TMEM67: variants seen among roughly 807,000 people sequenced by gnomAD.
TMEM67 encodes meckelin.
A neutral mutation model predicts 136.6 loss-of-function variants in TMEM67; 124 were observed. That is an observed-to-expected ratio of 0.91 (90% confidence interval 0.78 to 1.05). The LOEUF is 1.05. TMEM67 is among the 50% of genes least tolerant of loss of function. The pLI is 0.00. For synonymous variants in TMEM67, 364 were observed against 390.5 expected (o/e 0.93, Z 0.80); for missense variants, 1,107 against 1,178.4 (o/e 0.94, Z 0.89).
intron 15 of TMEM67, chr8:93,791,930 T>C (rs1814395203): frequency 6.5e-6 from 1 of 154,750 alleles, no homozygotes; most frequent in Non-Finnish European, 1.4e-5. Flanking sequence ...GGCACGATCT[T>C]GGCTCACCGC....
At position 93,775,325 on chromosome 8, in the gene TMEM67, T is replaced by G. The variant is rs1005695228; in HGVS notation, c.714+2674T>G. Among the ~76,000 whole-genome samples, 3 of 152,254 alleles carry G rather than the reference T, an allele frequency of 2.0e-5. No homozygotes were observed. In the South Asian group the frequency reaches 6.2e-4, roughly 31 times the overall value. On this transcript the variant is annotated intron_variant, in intron 7 of 27. Transcript: ENST00000453321. ...GTTGTGTGTTCACTCTGATGACAGT[T>G]TCTTTTGCTGTGCAGAAGCTCTTTA...
chr8:93,774,311 G>A (rs1490681584), intron 7 of TMEM67, among the ~76,000 whole-genome samples: 3 of 152,020 alleles, frequency 2.0e-5, no homozygotes, highest in African/African-American at 4.8e-5. Flanking sequence ...CACCATGCCC[G>A]GCTTAGAATA....
chr8:93,775,599 T>C, intron 7 of TMEM67, among the ~76,000 whole-genome samples: 1 of 152,254 alleles, frequency 6.6e-6, no homozygotes, highest in African/African-American at 2.4e-5. Context: ...GCACCATTTA[T>C]TAAATAGGGA....
At position 93,817,229 on chromosome 8, in the gene TMEM67, A is replaced by G. The variant is rs1274772056; in HGVS notation, c.*777A>G. ...TTTTGCTTTTCAATTACGTTTAAAG[A>G]CTGTAAATAACAAACAGTAAGGCTG... is the stretch of plus-strand genomic sequence containing the variant. On this transcript the variant is annotated 3_prime_UTR_variant, in exon 28 of 28. Transcript: ENST00000453321. 1 of 152,220 alleles carries G rather than the reference A, an allele frequency of 6.6e-6. No homozygotes were observed. Among genetic ancestry groups the G allele is most frequent in the Non-Finnish European group, 1.5e-5 (1 of 68,038 alleles). The allele number at this position is 152,220 out of a possible 1,614,324, so 9.4% of individuals were successfully genotyped here.
At chr8:93,806,089 C>T (rs1422825850) in intron 23 of TMEM67, among the ~76,000 whole-genome samples, 1 of 152,108 alleles carries the variant, frequency 6.6e-6, no homozygotes, top group East Asian at 1.9e-4. Flanking sequence ...AAGTAATTAG[C>T]CAGGTCTGGA....
chr8:93,823,403 G>GAT (rs1809067025), downstream of TMEM67, among the ~76,000 whole-genome samples: 3 of 151,738 alleles, frequency 2.0e-5, no homozygotes, highest in Non-Finnish European at 1.5e-5. Flanking sequence ...TTAGGACCTG[G>GAT]ATTTTTTTTT....
downstream of TMEM67, chr8:93,819,137 A>G: frequency 2.2e-6 from 1 of 453,146 alleles, no homozygotes; most frequent in Non-Finnish European, 4.4e-6. Context: ...TTTAACATTG[A>G]GTAAACTATG....
At chr8:93,816,171 TTACTC>T (rs1808898656) in intron 27 of TMEM67, among the ~76,000 whole-genome samples, 196 bp from the exon 28 acceptor site, 1 of 152,164 alleles carries the variant, frequency 6.6e-6, no homozygotes, top group South Asian at 2.1e-4. Context: ...TCATAAGAAT[TTACTC>T]TAAATGGGAA....
chr8:93,782,719 A>G (rs1317075465), intron 11 of TMEM67, among the ~76,000 whole-genome samples: 1 of 151,382 alleles, frequency 6.6e-6, no homozygotes, highest in Non-Finnish European at 1.5e-5. Context: ...AATTACAGAC[A>G]TGTGCCACCA....
chr8:93,784,798 A>G (rs973371686), intron 11 of TMEM67, among the ~76,000 whole-genome samples: 4 of 152,236 alleles, frequency 2.6e-5, no homozygotes, highest in Non-Finnish European at 5.9e-5. Flanking sequence ...ATGAGAGATA[A>G]GCCTGGCTTG....
At chr8:93,802,297 A>G (rs1814902850) in intron 21 of TMEM67, among the ~76,000 whole-genome samples, 4 of 152,208 alleles carry the variant, frequency 2.6e-5, no homozygotes, top group African/African-American at 7.2e-5. Context: ...CTTTTCTTTA[A>G]GAGCCTTTTC....
chr8:93,783,268 G>A (rs949983688), intron 11 of TMEM67, among the ~76,000 whole-genome samples: 1 of 152,186 alleles, frequency 6.6e-6, no homozygotes, highest in Admixed American at 6.5e-5. Context: ...TTACAGGTGT[G>A]AGCCACCTCG....
intron 3 of TMEM67, among the ~76,000 whole-genome samples, chr8:93,760,308 G>T (rs1812771723): frequency 6.6e-6 from 1 of 152,118 alleles, no homozygotes; most frequent in African/African-American, 2.4e-5. Context: ...TGGATACACA[G>T]ACTGATTGAT....
At position 93,780,765 on chromosome 8, in the gene TMEM67, G is replaced by A; in HGVS notation, c.869+18G>A. 1 of 1,613,544 alleles carries A rather than the reference G, an allele frequency of 6.2e-7. No homozygotes were observed. Among genetic ancestry groups the A allele is most frequent in the Non-Finnish European group, 8.5e-7 (1 of 1,179,830 alleles). ...TCATTTTGGTAAGGATATTTTGATT[G>A]ATGAAATGTTATTTTGACTGAATTC... On this transcript the variant is annotated intron_variant, in intron 8 of 27. Transcript: ENST00000453321.
chr8:93,793,191 T>G lies in TMEM67; in HGVS notation c.1576-7T>G, dbSNP rs767939125. Reference sequence around the variant, plus strand: ...CATAAATTCTCAATTGTTCTTTTGTTTTTTAGATTGCTTTGGGTGTATTGG... The same window carrying G: ...CATAAATTCTCAATTGTTCTTTTGTGTTTTAGATTGCTTTGGGTGTATTGG... On this transcript the variant is annotated splice_polypyrimidine_tract_variant and splice_region_variant and intron_variant, in intron 15 of 27. Coordinates refer to ENST00000453321, the MANE Select transcript of TMEM67 (RefSeq NM_153704.6). 19 of 1,612,748 alleles carry G rather than the reference T, an allele frequency of 1.2e-5. No homozygotes were observed. The highest frequency in any genetic ancestry group is 1.4e-5 in the Non-Finnish European group (17 of 1,178,878).
chr8:93,784,403 TTGTGTCACATAAAC>T (rs1423134248), intron 11 of TMEM67, among the ~76,000 whole-genome samples: 2 of 152,248 alleles, frequency 1.3e-5, no homozygotes, highest in African/African-American at 4.8e-5. Context: ...ACTCAAAGAC[TTGTGTCACATAAAC>T]TGTGGAGCCA....
chr8:93,829,340 CAGG>C, the TMEM67 span, among the ~76,000 whole-genome samples: 1 of 151,914 alleles, frequency 6.6e-6, no homozygotes, highest in East Asian at 1.9e-4. Context: ...TCCTCAAAAT[CAGG>C]AGATTTCCTT....
intron 6 of TMEM67, among the ~76,000 whole-genome samples, chr8:93,766,687 A>G (rs1414707275): frequency 6.6e-6 from 1 of 152,130 alleles, no homozygotes; most frequent in African/African-American, 2.4e-5. Flanking sequence ...TAATATTATT[A>G]TTGAATATAA....
intron 6 of TMEM67, among the ~76,000 whole-genome samples, chr8:93,767,103 G>A (rs144919197): frequency 2.9e-4 from 44 of 152,184 alleles, no homozygotes; most frequent in African/African-American, 7.7e-4. Context: ...AGCTTCCTCC[G>A]ATCTGGAACT....
Sources: allele counts gnomAD v4.1 joint callset (sites outside exome capture counted in the v4.1 genomes callset), GRCh38; gene constraint gnomAD v4.1.1; transcripts MANE v1.5; gene names NCBI Gene and HGNC (gene_info 2026-07-23, HGNC 2026-07-21).